Variants in C12orf42 observed in about 807,000 individuals in gnomAD.
C12orf42 encodes the protein chromosome 12 open reading frame 42, also known as uncharacterized protein C12orf42.
C12orf42 carries 25 observed loss-of-function variants against 21.6 expected under a neutral mutation model. That is an observed-to-expected ratio of 1.16 (90% confidence interval 0.84 to 1.62). The LOEUF (loss-of-function observed/expected upper bound fraction) is 1.62, where lower values mean the gene tolerates loss of function less well. C12orf42 is among the 40% of genes most tolerant of loss of function. The pLI, the probability that C12orf42 is intolerant of heterozygous loss-of-function variation, is 0.00. For synonymous variants in C12orf42, 174 were observed against 175.0 expected (o/e 0.99, Z 0.05); for missense variants, 483 against 459.3 (o/e 1.05, Z -0.47).
At chr12:103,398,632 T>C (rs1673048319) in intron 3 of C12orf42, among the ~76,000 whole-genome samples, 1 of 152,116 alleles carries the variant, frequency 6.6e-6, no homozygotes, top group Non-Finnish European at 1.5e-5. Context: ...AAAGTTACTG[T>C]TTTCTTAAAC....
intron 4 of C12orf42, among the ~76,000 whole-genome samples, chr12:103,293,916 T>C (rs565475640): frequency 3.8e-4 from 58 of 152,292 alleles, no homozygotes; most frequent in African/African-American, 1.4e-3. Context: ...AGGACCTAAA[T>C]ATCATTGTGT....
chr12:103,457,786 TG>T (rs1295892410), intron 2 of C12orf42, among the ~76,000 whole-genome samples: 1 of 151,892 alleles, frequency 6.6e-6, no homozygotes, highest in African/African-American at 2.4e-5. Flanking sequence ...TGGCAGGGGG[TG>T]GGGGGAGTCA....
intron 5 of C12orf42, chr12:103,277,092 C>CA (rs1481823451): frequency 4.4e-6 from 2 of 454,264 alleles, no homozygotes; most frequent in East Asian, 7.1e-5. Flanking sequence ...TTGCTGGATA[C>CA]AAAATCAAAC....
chr12:103,368,812 T>A, intron 4 of C12orf42, 75 bp downstream of exon 4: 1 of 735,290 alleles, frequency 1.4e-6, no homozygotes, highest in Non-Finnish European at 2.2e-6. Flanking sequence ...ATACAATCTT[T>A]ATGATTATTA....
chr12:103,460,342 G>C (rs376899797), intron 2 of C12orf42, among the ~76,000 whole-genome samples: 3 of 151,984 alleles, frequency 2.0e-5, no homozygotes, highest in South Asian at 2.1e-4. Flanking sequence ...TATGGGCCAG[G>C]TCGGCACATG....
chr12:103,406,646 A>G (rs2048447184), intron 2 of C12orf42, among the ~76,000 whole-genome samples: 1 of 152,222 alleles, frequency 6.6e-6, no homozygotes, highest in Admixed American at 6.5e-5. Context: ...ATACAAAAAT[A>G]AATGAAGCAT....
chr12:103,083,504 G>C, the C12orf42 span, among the ~76,000 whole-genome samples: 1 of 152,292 alleles, frequency 6.6e-6, no homozygotes, highest in Admixed American at 6.5e-5. Flanking sequence ...GGCCAAACTA[G>C]TTCATCTCTG....
chr12:103,142,231 A>C, the C12orf42 span, among the ~76,000 whole-genome samples: 7,476 of 152,234 alleles, frequency 0.049, 369 homozygotes, highest in African/African-American at 0.12. Context: ...TGAGATTGTT[A>C]AAGTCATAAT....
chr12:103,100,795 G>C, the C12orf42 span, among the ~76,000 whole-genome samples: 1 of 152,186 alleles, frequency 6.6e-6, no homozygotes, highest in Non-Finnish European at 1.5e-5. Flanking sequence ...GCCATGTGGA[G>C]AGGCTTACAA....
intron 1 of C12orf42, among the ~76,000 whole-genome samples, chr12:103,485,902 A>G (rs910583081): frequency 2.0e-5 from 3 of 152,336 alleles, no homozygotes; most frequent in Middle Eastern, 3.4e-3. Flanking sequence ...TAGATATACA[A>G]TCATGTCATC....
chr12:103,148,869 C>T, the C12orf42 span, among the ~76,000 whole-genome samples: 3 of 152,128 alleles, frequency 2.0e-5, no homozygotes, highest in Non-Finnish European at 4.4e-5. Context: ...AACAAGCTCC[C>T]TGAGATGTAT....
At chr12:103,429,014 A>G (rs1447801837) in intron 2 of C12orf42, among the ~76,000 whole-genome samples, 2 of 152,248 alleles carry the variant, frequency 1.3e-5, no homozygotes, top group African/African-American at 4.8e-5. Context: ...CCAATATCAT[A>G]TTGAATGAGC....
chr12:103,431,005 C>A lies in C12orf42; in HGVS notation c.79-29330G>T, dbSNP rs151103168. Among the ~76,000 whole-genome samples the A allele has an allele frequency of 4.3e-3, 657 of 152,130 alleles. 1 individual carries two copies. The highest frequency in any genetic ancestry group is 7.9e-3 in the Non-Finnish European group (538 of 67,996). On this transcript the variant is annotated intron_variant, in intron 2 of 5. Coordinates refer to ENST00000548883, the MANE Select transcript of C12orf42 (RefSeq NM_198521.5). ...GAAGGGATAGCATTAGGAGAAATACCTAATGTAGATGACGAGTTGATGGGT... is the reference window on the plus strand; with the variant it reads ...GAAGGGATAGCATTAGGAGAAATACATAATGTAGATGACGAGTTGATGGGT...
intron 4 of C12orf42, among the ~76,000 whole-genome samples, chr12:103,317,158 C>T (rs1484547884): frequency 1.3e-5 from 2 of 152,220 alleles, no homozygotes; most frequent in Non-Finnish European, 2.9e-5. Flanking sequence ...TGATATCTGC[C>T]ATGGATGTGG....
At chr12:103,436,711 A>C (rs1274251724) in intron 2 of C12orf42, among the ~76,000 whole-genome samples, 2 of 152,178 alleles carry the variant, frequency 1.3e-5, no homozygotes, top group Non-Finnish European at 2.9e-5. Context: ...ACTATCCTAA[A>C]TATATATGCA....
chr12:103,334,994 T>A (rs2041567495), intron 4 of C12orf42, among the ~76,000 whole-genome samples: 1 of 152,224 alleles, frequency 6.6e-6, no homozygotes, highest in Non-Finnish European at 1.5e-5. Flanking sequence ...TAGGTGACAG[T>A]CTGGAGTCCA....
At chr12:103,056,551 C>T in the C12orf42 span, among the ~76,000 whole-genome samples, 1 of 152,026 alleles carries the variant, frequency 6.6e-6, no homozygotes, top group Admixed American at 6.6e-5. Context: ...CTTCTTTTTC[C>T]TCTCCTTCCA....
the C12orf42 span, among the ~76,000 whole-genome samples, chr12:103,173,678 C>T: frequency 7.9e-5 from 12 of 151,976 alleles, no homozygotes; most frequent in African/African-American, 2.9e-4. Flanking sequence ...CAAATGCACC[C>T]TTCCCTCTTA....
chr12:103,514,175 G>T, the C12orf42 span, among the ~76,000 whole-genome samples: 3 of 152,150 alleles, frequency 2.0e-5, no homozygotes, highest in Non-Finnish European at 4.4e-5. Flanking sequence ...GATCTCATGA[G>T]AACTCACTCA....
Sources: allele counts gnomAD v4.1 joint callset (sites outside exome capture counted in the v4.1 genomes callset), GRCh38; gene constraint gnomAD v4.1.1; transcripts MANE v1.5; gene names NCBI Gene and HGNC (gene_info 2026-07-23, HGNC 2026-07-21).